ZBTB1: variants seen among roughly 807,000 people sequenced by gnomAD.
ZBTB1 encodes zinc finger and BTB domain containing 1, also known as zinc finger and BTB domain-containing protein 1.
ZBTB1 carries 13 observed loss-of-function variants against 51.6 expected under a neutral mutation model. The ratio of observed to expected loss-of-function variants is 0.25; its 90% CI spans 0.16 to 0.40. The LOEUF (loss-of-function observed/expected upper bound fraction) is 0.40, where lower values mean the gene tolerates loss of function less well. Among genes scored for constraint, ZBTB1 ranks in the 10% least tolerant of loss-of-function variants. The pLI, the probability that ZBTB1 is intolerant of heterozygous loss-of-function variation, is 1.00. For missense variants in ZBTB1, 567 were observed against 856.5 expected, an observed-to-expected ratio of 0.66 and a Z score of 4.22; for synonymous variants, 240 against 282.2, an observed-to-expected ratio of 0.85 and a Z score of 1.50.
At chr14:64,509,705 C>A (rs993995236) in intron 1 of ZBTB1, among the ~76,000 whole-genome samples, 1 of 151,836 alleles carries the variant, frequency 6.6e-6, no homozygotes, top group Non-Finnish European at 1.5e-5. Context: ...TGTGTGGTGG[C>A]TCACGCTTGT....
downstream of ZBTB1, among the ~76,000 whole-genome samples, chr14:64,527,272 C>T (rs1249284929): frequency 2.0e-5 from 3 of 151,754 alleles, no homozygotes; most frequent in South Asian, 4.2e-4. Context: ...GTCAAGAGTT[C>T]GAGACCAGCC....
intron 1 of ZBTB1, chr14:64,505,187 C>T (rs1566627963): frequency 6.1e-6 from 2 of 325,972 alleles, no homozygotes; most frequent in Non-Finnish European, 1.1e-5. Flanking sequence ...CCTACGGAGA[C>T]TAGTTCCCAA....
At chr14:64,509,231 G>T (rs565423640) in intron 1 of ZBTB1, among the ~76,000 whole-genome samples, 5 of 152,180 alleles carry the variant, frequency 3.3e-5, no homozygotes, top group African/African-American at 4.8e-5. Flanking sequence ...TTAGCTGGGC[G>T]TGGTGCCGCA....
chr14:64,520,792 A>G (rs1235409789), intron 1 of ZBTB1, among the ~76,000 whole-genome samples: 1 of 152,060 alleles, frequency 6.6e-6, no homozygotes, highest in Non-Finnish European at 1.5e-5. Context: ...TTTACAATCT[A>G]ATTGTTAACT....
intron 1 of ZBTB1, among the ~76,000 whole-genome samples, chr14:64,506,584 A>C (rs1204371674): frequency 6.6e-6 from 1 of 152,224 alleles, no homozygotes; most frequent in East Asian, 1.9e-4. Flanking sequence ...AGCATAGTAG[A>C]GGTGAAATGC....
chr14:64,516,076 T>A (rs1221751009), intron 1 of ZBTB1, among the ~76,000 whole-genome samples: 1 of 151,940 alleles, frequency 6.6e-6, no homozygotes, highest in African/African-American at 2.4e-5. Flanking sequence ...CTACAAAAAA[T>A]ATACAAAAAT....
At chr14:64,530,762 T>C (rs2079936702) in intron 2 of ZBTB1, among the ~76,000 whole-genome samples, 1 of 152,206 alleles carries the variant, frequency 6.6e-6, no homozygotes, top group South Asian at 2.1e-4. Flanking sequence ...AGTGTCAAAA[T>C]TGCTCATTCT....
chr14:64,531,111 T>G (rs79667071), intron 2 of ZBTB1, among the ~76,000 whole-genome samples: 7,652 of 152,274 alleles, frequency 0.05, 286 homozygotes, highest in Non-Finnish European at 0.072. Flanking sequence ...AAAGTTAACA[T>G]GTTTTTATTC....
At chr14:64,532,386 T>C (rs1566639842) in exon 3 of ZBTB1, 1 of 152,712 alleles carries the variant, frequency 6.5e-6, no homozygotes, top group Admixed American at 6.5e-5. Flanking sequence ...ACACCAAAAA[T>C]CTGTAGTTTA....
chr14:64,522,069 C>T lies in ZBTB1; in HGVS notation c.565C>T (p.Leu189=). Residue 189 remains leucine (L), a synonymous_variant, in exon 2 of 2, where the codon CTA becomes TTA. Coordinates refer to ENST00000683701, the MANE Select transcript of ZBTB1 (RefSeq NM_001123329.2). ...SLQLGNFPEP[L]FDVCKKSSVS... is the part of the protein sequence containing the mutation. ...ACAATTAGGTAATTTTCCTGAGCCA[C>T]TATTTGATGTATGTAAAAAAAGTTC... 6.2e-7 allele frequency: 1 copy of T among 1,614,154 alleles called. No homozygotes were observed. Among genetic ancestry groups the T allele is most frequent in the Non-Finnish European group, 8.5e-7 (1 of 1,180,024 alleles).
rs1487871013 is a variant in ZBTB1, at chr14:64,521,555, A to G, written c.51A>G (p.Gln17=). The change falls in exon 2 of 2, where the codon CAA becomes CAG. Residue 17 remains glutamine, a synonymous_variant. Transcript: ENST00000683701. Reference sequence around the variant, plus strand: ...ATGTCCTTCAGCAGCTAAACAACCAAAGAGAATGGGGTTTTCTCTGTGACT... The same window carrying G: ...ATGTCCTTCAGCAGCTAAACAACCAGAGAGAATGGGGTTTTCTCTGTGACT... The part of the protein sequence containing the change: ...SSYVLQQLNN[Q]REWGFLCDCC... 4 of 1,614,078 alleles carry G rather than the reference A, an allele frequency of 2.5e-6. No homozygotes were observed. The highest frequency in any genetic ancestry group is 1.1e-5 in the South Asian group (1 of 91,058).
chr14:64,509,888 A>C (rs2140093413), intron 1 of ZBTB1, among the ~76,000 whole-genome samples: 1 of 151,892 alleles, frequency 6.6e-6, no homozygotes. Context: ...GAGGCAGGAG[A>C]ATGGCGTGAA....
chr14:64,506,416 C>G (rs1317148061), intron 1 of ZBTB1, among the ~76,000 whole-genome samples: 1 of 152,160 alleles, frequency 6.6e-6, no homozygotes, highest in Non-Finnish European at 1.5e-5. Flanking sequence ...GCCTGTAATC[C>G]CAGCTACTCA....
chr14:64,510,153 G>A (rs1400339327), intron 1 of ZBTB1, among the ~76,000 whole-genome samples: 1 of 152,100 alleles, frequency 6.6e-6, no homozygotes, highest in Non-Finnish European at 1.5e-5. Flanking sequence ...ACAATCTCAT[G>A]GGGGAGACCA....
chr14:64,517,145 A>G (rs1291095196), intron 1 of ZBTB1, among the ~76,000 whole-genome samples: 1 of 152,228 alleles, frequency 6.6e-6, no homozygotes, highest in African/African-American at 2.4e-5. Context: ...CACCATTACA[A>G]CATCCACTAT....
upstream of ZBTB1, chr14:64,503,951 A>G (rs938018367): frequency 6.6e-6 from 1 of 152,134 alleles, no homozygotes; most frequent in Admixed American, 6.5e-5. Flanking sequence ...TGCCGCCGCC[A>G]CAGTTCGCAG....
At chr14:64,508,158 T>C (rs2079686801) in intron 1 of ZBTB1, among the ~76,000 whole-genome samples, 1 of 152,224 alleles carries the variant, frequency 6.6e-6, no homozygotes, top group Admixed American at 6.5e-5. Context: ...GAAAGTTAAT[T>C]ACAACATTGG....
intron 1 of ZBTB1, 37 bp from the exon 2 acceptor site, chr14:64,521,450 A>G: frequency 2.0e-6 from 3 of 1,491,568 alleles, no homozygotes; most frequent in East Asian, 2.3e-5. Flanking sequence ...GTGCTTTTCT[A>G]TATCTTGTTT....
chr14:64,511,622 A>G lies in ZBTB1; in HGVS notation c.-19+6676A>G, dbSNP rs147871122. On this transcript the variant is annotated intron_variant, in intron 1 of 1. Transcript: ENST00000683701. ...TAGGATGAATGGATATGTAGATTCA[A>G]TTTTCAATGAGTTTTTGTCTAATTT... Among the ~76,000 whole-genome samples, 437 of 152,322 alleles carry G rather than the reference A, an allele frequency of 2.9e-3. 2 individuals are homozygous for G. The highest frequency in any genetic ancestry group is 8.8e-3 in the African/African-American group (367 of 41,560).
Sources: gnomAD v4.1 joint callset for allele counts (sites outside exome capture counted in the v4.1 genomes callset) on GRCh38, gnomAD v4.1.1 for gene constraint, MANE v1.5 for transcripts, NCBI Gene and HGNC (gene_info 2026-07-23, HGNC 2026-07-21) for gene names.